Variants in ZNF567 observed in about 807,000 individuals in gnomAD.
The protein encoded by ZNF567 is zinc finger protein 567.
ZNF567 carries 36 observed loss-of-function variants against 53.9 expected under a neutral mutation model. The ratio of observed to expected loss-of-function variants is 0.67; its 90% CI spans 0.51 to 0.88. ZNF567 has a LOEUF of 0.88. Among genes scored for constraint, ZNF567 ranks in the 40% least tolerant of loss-of-function variants. The pLI, the probability that ZNF567 is intolerant of heterozygous loss-of-function variation, is 0.00. For synonymous variants in ZNF567, 224 were observed against 260.4 expected, an observed-to-expected ratio of 0.86 and a Z score of 1.35; for missense variants, 619 against 764.7, an observed-to-expected ratio of 0.81 and a Z score of 2.25.
intron 5 of ZNF567, among the ~76,000 whole-genome samples, chr19:36,718,074 AG>A (rs1390049436): frequency 5.9e-5 from 9 of 152,346 alleles, no homozygotes; most frequent in African/African-American, 2.2e-4. Flanking sequence ...GTAGAGGATT[AG>A]AGCATAGACT....
At chr19:36,715,550 A>G (rs2040023593) in intron 5 of ZNF567, among the ~76,000 whole-genome samples, 1 of 134,064 alleles carries the variant, frequency 7.5e-6, no homozygotes, top group South Asian at 2.4e-4. Context: ...ATTATTTGAG[A>G]TGGAGTTTCG....
At chr19:36,699,336 A>G (rs1272157341) in intron 3 of ZNF567, among the ~76,000 whole-genome samples, 4 of 152,172 alleles carry the variant, frequency 2.6e-5, no homozygotes, top group Non-Finnish European at 5.9e-5. Flanking sequence ...CTTGTAGTAT[A>G]GTTTGAAGTC....
the ZNF567 span, chr19:36,668,705 A>G: frequency 6.6e-6 from 1 of 152,218 alleles, no homozygotes; most frequent in Non-Finnish European, 1.5e-5. Context: ...GGACAGATCC[A>G]TGGTAAGGAT....
chr19:36,702,595 C>T (rs1014551508), intron 3 of ZNF567, among the ~76,000 whole-genome samples: 19 of 152,138 alleles, frequency 1.2e-4, no homozygotes, highest in Admixed American at 3.9e-4. Context: ...TTCAAATAGT[C>T]CCATATTTCT....
At chr19:36,675,746 G>A in the ZNF567 span, among the ~76,000 whole-genome samples, 19 of 152,166 alleles carry the variant, frequency 1.2e-4, 1 homozygote, top group Admixed American at 1.2e-3. Flanking sequence ...CTACACAGGA[G>A]GCTGAGGCAG....
At chr19:36,670,073 T>C in the ZNF567 span, among the ~76,000 whole-genome samples, 1 of 152,312 alleles carries the variant, frequency 6.6e-6, no homozygotes, top group South Asian at 2.1e-4. Flanking sequence ...TTGTTTTAAA[T>C]TAGACACTGG....
the ZNF567 span, among the ~76,000 whole-genome samples, chr19:36,673,907 C>T: frequency 6.6e-6 from 1 of 152,124 alleles, no homozygotes; most frequent in Non-Finnish European, 1.5e-5. Flanking sequence ...AGAGAAGGAA[C>T]TGGAATTTGA....
chr19:36,694,701 A>G, intron 2 of ZNF567, 101 bp from the exon 3 acceptor site: 2 of 603,402 alleles, frequency 3.3e-6, no homozygotes, highest in Non-Finnish European at 5.6e-6. Flanking sequence ...GTGGACAAGG[A>G]TCAATACAAG....
rs1303404022 is a variant in ZNF567, at chr19:36,692,994, AC to A, written c.-66-1805del. ...TTACTCTTTCTCAAAGTTTTCAGCAACCCTGGGAGTAGGCGGTATGTGGTGG... is the reference window on the plus strand; with the variant it reads ...TTACTCTTTCTCAAAGTTTTCAGCAACCTGGGAGTAGGCGGTATGTGGTGG... On this transcript the variant is annotated intron_variant, in intron 2 of 5. Coordinates refer to ENST00000682579, the MANE Select transcript of ZNF567 (RefSeq NM_001322917.1). Among the ~76,000 whole-genome samples, 40 of 152,184 alleles carry A rather than the reference AC, an allele frequency of 2.6e-4. 2 individuals are homozygous for A. The highest frequency in any genetic ancestry group is 2.6e-3 in the Admixed American group (40 of 15,276).
At chr19:36,695,336 C>G (rs2038828410) in intron 3 of ZNF567, among the ~76,000 whole-genome samples, 1 of 151,916 alleles carries the variant, frequency 6.6e-6, no homozygotes, top group South Asian at 2.1e-4. Flanking sequence ...TGAGACCAGC[C>G]TGGCCAACAT....
chr19:36,712,334 C>G, intron 3 of ZNF567, 52 bp from the exon 4 acceptor site: 1 of 1,577,924 alleles, frequency 6.3e-7, no homozygotes, highest in Non-Finnish European at 8.6e-7. Context: ...AGGCATGAAC[C>G]ACTGTACCTG....
intron 2 of ZNF567, among the ~76,000 whole-genome samples, chr19:36,692,421 G>A (rs571934830): frequency 1.3e-4 from 20 of 152,168 alleles, no homozygotes; most frequent in East Asian, 3.9e-4. Context: ...TGTCCAGGTC[G>A]AAGTACAGTG....
intron 3 of ZNF567, among the ~76,000 whole-genome samples, chr19:36,709,598 C>G (rs571468453): frequency 2.0e-5 from 3 of 151,836 alleles, no homozygotes; most frequent in African/African-American, 4.8e-5. Flanking sequence ...ACAAAGTGCC[C>G]GGATTACAGA....
At chr19:36,727,378 A>C (rs2040339947), downstream of ZNF567, 1 of 135,838 alleles carries the variant, frequency 7.4e-6, no homozygotes. Context: ...GGCCAAGTAG[A>C]GCAATTTTTT....
At chr19:36,726,633 CCA>C (rs2040335852), downstream of ZNF567, among the ~76,000 whole-genome samples, 1 of 152,216 alleles carries the variant, frequency 6.6e-6, no homozygotes, top group South Asian at 2.1e-4. Context: ...TCCATATACA[CCA>C]CAGAGGCAGG....
At chr19:36,677,328 G>A in the ZNF567 span, among the ~76,000 whole-genome samples, 6 of 150,060 alleles carry the variant, frequency 4.0e-5, no homozygotes, top group Admixed American at 3.3e-4. Context: ...GTGTTGAGGC[G>A]GGCACCTGTA....
chr19:36,677,507 C>T, the ZNF567 span, among the ~76,000 whole-genome samples: 2 of 147,142 alleles, frequency 1.4e-5, no homozygotes, highest in African/African-American at 2.5e-5. Context: ...TGGTTCATGC[C>T]TTTAATCCCA....
At chr19:36,682,256 C>T in the ZNF567 span, among the ~76,000 whole-genome samples, 1 of 143,748 alleles carries the variant, frequency 7.0e-6, no homozygotes, top group African/African-American at 2.6e-5. Flanking sequence ...GTCACTCTAG[C>T]CTGGAGTACA....
At chr19:36,679,296 A>G in the ZNF567 span, among the ~76,000 whole-genome samples, 1 of 152,158 alleles carries the variant, frequency 6.6e-6, no homozygotes, top group Non-Finnish European at 1.5e-5. Context: ...CCCCAAAAAA[A>G]CCACAGTGAG....
Sources: allele counts gnomAD v4.1 joint callset (sites outside exome capture counted in the v4.1 genomes callset), GRCh38; gene constraint gnomAD v4.1.1; transcripts MANE v1.5; gene names NCBI Gene and HGNC (gene_info 2026-07-23, HGNC 2026-07-21).